Variants in NRXN3 observed in about 807,000 individuals in gnomAD.
NRXN3 encodes the protein neurexin 3.
Under a neutral mutation model 137.6 loss-of-function variants are expected in NRXN3, and 32 were observed. The observed-to-expected ratio is 0.23, with a 90% confidence interval of 0.18 to 0.31. NRXN3 has a LOEUF of 0.31. NRXN3 is among the 10% of genes least tolerant of loss of function. NRXN3 has a pLI of 1.00. For missense variants in NRXN3, 1,574 were observed against 2,062.5 expected, an observed-to-expected ratio of 0.76 and a Z score of 4.59; for synonymous variants, 798 against 784.5, an observed-to-expected ratio of 1.02 and a Z score of -0.29.
At chr14:79,437,710 T>A (rs947914867) in intron 15 of NRXN3, among the ~76,000 whole-genome samples, 7 of 152,182 alleles carry the variant, frequency 4.6e-5, no homozygotes, top group African/African-American at 1.7e-4. Context: ...GATTTGAGCA[T>A]GTGTAGCTTT....
chr14:78,621,626 A>G lies in NRXN3; in HGVS notation c.758-23494A>G, dbSNP rs147306920. ...GCATTTGTTAATTTTTTATTCAATC[A>G]TACCAATCTTTTGCCCAATTAGGAG... On this transcript the variant is annotated intron_variant, in intron 4 of 20. Transcript: ENST00000335750. Among the ~76,000 whole-genome samples, 142 of 152,336 alleles carry G rather than the reference A, an allele frequency of 9.3e-4. 1 individual carries two copies. The highest frequency in any genetic ancestry group is 3.3e-3 in the African/African-American group (136 of 41,592).
In NRXN3 at chr14:78,748,545, T is replaced by C. The variant is rs116044757; in HGVS notation, c.2044+33406T>C. Reference sequence around the variant, plus strand: ...TATAATATGAAATTTAAAAAAATTATCCTAATTGCAGTGGTCAGATGGGAC... The same window carrying C: ...TATAATATGAAATTTAAAAAAATTACCCTAATTGCAGTGGTCAGATGGGAC... On this transcript the variant is annotated intron_variant, in intron 8 of 20. Transcript: ENST00000335750. 5.1e-3 allele frequency among the ~76,000 whole-genome samples: 770 copies of C among 152,180 alleles called. 9 individuals are homozygous for C. The highest frequency in any genetic ancestry group is 0.018 in the African/African-American group (740 of 41,522).
At chr14:78,722,155 G>A (rs1315254947) in intron 8 of NRXN3, among the ~76,000 whole-genome samples, 3 of 152,240 alleles carry the variant, frequency 2.0e-5, no homozygotes, top group South Asian at 4.2e-4. Flanking sequence ...AGGTTTCGAG[G>A]TCTAAGAAGG....
chr14:78,532,593 G>C (rs2096483168), intron 4 of NRXN3, among the ~76,000 whole-genome samples: 1 of 151,730 alleles, frequency 6.6e-6, no homozygotes, highest in Non-Finnish European at 1.5e-5. Flanking sequence ...CCCACTACAT[G>C]ATCTTCAACC....
At chr14:79,558,577 GAGCAGTAGCTCTC>G (rs2097455718) in intron 16 of NRXN3, among the ~76,000 whole-genome samples, 1 of 135,286 alleles carries the variant, frequency 7.4e-6, no homozygotes. Context: ...TTTTTTTTCT[GAGCAGTAGCTCTC>G]AACAGTAGGC....
At chr14:79,200,828 A>ATTTTTTTT (rs56194422) in intron 15 of NRXN3, among the ~76,000 whole-genome samples, 1 of 59,052 alleles carries the variant, frequency 1.7e-5, no homozygotes, top group Admixed American at 2.7e-4. Context: ...TGTGAGCTGT[A>ATTTTTTTT]TTTTTTTTTT....
intron 15 of NRXN3, among the ~76,000 whole-genome samples, chr14:79,148,435 A>G (rs1285861627): frequency 6.6e-6 from 1 of 152,088 alleles, no homozygotes; most frequent in East Asian, 1.9e-4. Context: ...ATTATTTCAG[A>G]CTCGGGAGTA....
chr14:79,281,591 A>G (rs2081285756), intron 15 of NRXN3, among the ~76,000 whole-genome samples: 1 of 152,056 alleles, frequency 6.6e-6, no homozygotes, highest in South Asian at 2.1e-4. Context: ...TGGGGTGGGA[A>G]TAGCTGACAA....
chr14:79,345,708 G>A (rs2092836024), intron 15 of NRXN3, among the ~76,000 whole-genome samples: 2 of 152,158 alleles, frequency 1.3e-5, no homozygotes, highest in South Asian at 4.2e-4. Context: ...GTTTAAAAGT[G>A]TGTGGCACCT....
At chr14:78,837,377 C>A (rs1156895199) in intron 10 of NRXN3, among the ~76,000 whole-genome samples, 1 of 152,054 alleles carries the variant, frequency 6.6e-6, no homozygotes, top group African/African-American at 2.4e-5. Flanking sequence ...TTGGATCCAA[C>A]TGTGAATAGT....
chr14:79,538,997 C>T (rs2097244225), intron 16 of NRXN3, among the ~76,000 whole-genome samples: 5 of 152,186 alleles, frequency 3.3e-5, no homozygotes, highest in Admixed American at 3.3e-4. Context: ...ATCTGAGACA[C>T]TGAGAGATTA....
chr14:79,695,831 G>A (rs1434065074), intron 18 of NRXN3, among the ~76,000 whole-genome samples: 2 of 151,930 alleles, frequency 1.3e-5, no homozygotes, highest in Non-Finnish European at 2.9e-5. Flanking sequence ...AAATCTATGA[G>A]ATCTGTTTTG....
chr14:78,977,821 T>C (rs1367306559), intron 14 of NRXN3, among the ~76,000 whole-genome samples: 1 of 152,182 alleles, frequency 6.6e-6, no homozygotes, highest in South Asian at 2.1e-4. Context: ...CCAGTTTACA[T>C]GAGGCAACAT....
chr14:79,517,145 C>G (rs2096998540), intron 16 of NRXN3, among the ~76,000 whole-genome samples: 1 of 146,182 alleles, frequency 6.8e-6, no homozygotes, highest in Non-Finnish European at 1.5e-5. Flanking sequence ...CCAATAGAGA[C>G]TGTGGTCACA....
At chr14:78,522,789 G>T (rs114645709) in intron 4 of NRXN3, among the ~76,000 whole-genome samples, 2,125 of 152,220 alleles carry the variant, frequency 0.014, 44 homozygotes, top group African/African-American at 0.041. Context: ...TCTTTCCACT[G>T]GGGTTGTTAA....
At chr14:79,061,424 G>A (rs922546536) in intron 15 of NRXN3, among the ~76,000 whole-genome samples, 1 of 152,168 alleles carries the variant, frequency 6.6e-6, no homozygotes, top group Non-Finnish European at 1.5e-5. Flanking sequence ...TAACCAGGAA[G>A]GGGAGGCAAA....
chr14:79,519,822 G>T (rs966738816), intron 16 of NRXN3, among the ~76,000 whole-genome samples: 1 of 139,940 alleles, frequency 7.1e-6, no homozygotes, highest in African/African-American at 2.7e-5. Flanking sequence ...ACTGCATACA[G>T]TTACATTTGT....
At chr14:78,799,146 T>A (rs1213731449) in intron 8 of NRXN3, among the ~76,000 whole-genome samples, 1 of 152,242 alleles carries the variant, frequency 6.6e-6, no homozygotes, top group Admixed American at 6.5e-5. Context: ...TTCTTTTCTA[T>A]CACATTGTCA....
At chr14:79,227,816 T>C (rs370997866) in intron 15 of NRXN3, among the ~76,000 whole-genome samples, 1 of 33,008 alleles carries the variant, frequency 3.0e-5, no homozygotes, top group African/African-American at 8.7e-5. Context: ...CTCCCTCCCT[T>C]CCTCCCTTCC....
Sources: allele counts gnomAD v4.1 joint callset (sites outside exome capture counted in the v4.1 genomes callset), GRCh38; gene constraint gnomAD v4.1.1; transcripts MANE v1.5; gene names NCBI Gene and HGNC (gene_info 2026-07-23, HGNC 2026-07-21).